Variants in PRR15L observed in about 807,000 individuals in gnomAD.
The protein encoded by PRR15L is proline rich 15 like.
PRR15L carries 1 observed loss-of-function variant against 3.7 expected under a neutral mutation model. The observed-to-expected ratio is 0.27, with a 90% CI of 0.09 to 1.27. PRR15L has a LOEUF of 1.27. Ranked by LOEUF, PRR15L falls within the 50% of genes most tolerant of loss-of-function variation. PRR15L has a pLI of 0.47. For synonymous variants in PRR15L, 57 were observed against 51.9 expected (o/e 1.10, Z -0.42); for missense variants, 127 against 128.7 (o/e 0.99, Z 0.06).
chr17:47,954,739 A>G (rs1404843422), intron 1 of PRR15L, among the ~76,000 whole-genome samples: 1 of 152,156 alleles, frequency 6.6e-6, no homozygotes. Context: ...GTAGAGGAAC[A>G]CTGATGACTG....
At chr17:47,953,520 G>A (rs34416972) in intron 1 of PRR15L, among the ~76,000 whole-genome samples, 2,899 of 152,078 alleles carry the variant, frequency 0.019, 95 homozygotes, top group African/African-American at 0.065. Context: ...TTAGCTGGGC[G>A]TAGTGGCACG....
intron 1 of PRR15L, among the ~76,000 whole-genome samples, chr17:47,955,820 G>A (rs930979100): frequency 1.3e-5 from 2 of 152,196 alleles, no homozygotes; most frequent in African/African-American, 4.8e-5. Flanking sequence ...TGCCTTGTCT[G>A]GAATGAGGCC....
intron 1 of PRR15L, 74 bp from the exon 2 acceptor site, chr17:47,953,337 C>G (rs2036093326): frequency 1.1e-6 from 1 of 874,838 alleles, no homozygotes; most frequent in Non-Finnish European, 1.8e-6. Flanking sequence ...CAGCTTGCTG[C>G]AGACTCCTAA....
Position 47,957,763 on chromosome 17 carries a change from G to A in PRR15L, c.-136C>T, listed in dbSNP as rs950636707. The A allele has an allele frequency of 2.0e-5, 3 of 152,424 alleles. No homozygotes were observed. The highest frequency in any genetic ancestry group is 3.8e-4 in the East Asian group (2 of 5,200). 9.4% of individuals were successfully genotyped at this position (152,424 alleles called of 1,614,324 possible). A position where few individuals can be genotyped will look rare whatever the true frequency, so the allele number is the denominator to read the frequency against. ...GACTCGGGAAGCAAGTGGTGCCTCC[G>A]GGCTGCTGTATCAGGCAAGGCTCAG... On this transcript the variant is annotated 5_prime_UTR_variant, in exon 1 of 2. Transcript: ENST00000300557.
At chr17:47,954,633 G>A (rs749203203) in intron 1 of PRR15L, among the ~76,000 whole-genome samples, 4 of 152,282 alleles carry the variant, frequency 2.6e-5, no homozygotes, top group South Asian at 2.1e-4. Context: ...GGAACTTCTC[G>A]GAGAGGAGGT....
At chr17:47,954,963 C>CT (rs747818965) in intron 1 of PRR15L, among the ~76,000 whole-genome samples, 5 of 49,974 alleles carry the variant, frequency 1.0e-4, no homozygotes, top group Admixed American at 9.3e-4. Flanking sequence ...CAGAGTCTTG[C>CT]TTATTGCCCA....
chr17:47,953,318 C>A (rs868235129), intron 1 of PRR15L, 55 bp from the exon 2 acceptor site: 31 of 1,097,432 alleles, frequency 2.8e-5, no homozygotes, highest in Middle Eastern at 2.1e-4. Context: ...GGGGTGGGTG[C>A]CTTTGGACCA....
intron 1 of PRR15L, 28 bp from the exon 2 acceptor site, chr17:47,953,291 G>A (rs779140521): frequency 9.9e-6 from 14 of 1,414,706 alleles, no homozygotes; most frequent in Non-Finnish European, 1.1e-5. Flanking sequence ...GGGAGACAAA[G>A]GGGTCAGTGG....
rs1291117115 is a variant in PRR15L at position 47,952,587 on chromosome 17, G to A, written c.*336C>T. ...TGTGTCCAGTAAGGAGGTGAAGTCT[G>A]TCTGGCTCACTCTCTCCATTCCCTG... On this transcript the variant is annotated 3_prime_UTR_variant, in exon 2 of 2. Transcript: ENST00000300557. The A allele has an allele frequency of 7.7e-5, 18 of 233,786 alleles. No individual in the cohort carries two copies. In the Admixed American group the frequency reaches 9.8e-4, roughly 13 times the overall value. 14.5% of individuals were successfully genotyped at this position (233,786 alleles called of 1,614,324 possible).
At chr17:47,953,312 T>G in intron 1 of PRR15L, 49 bp from the exon 2 acceptor site, 7 of 1,132,178 alleles carry the variant, frequency 6.2e-6, no homozygotes, top group Non-Finnish European at 7.5e-6. Context: ...GAAAAGGGGG[T>G]GGGTGCCTTT....
chr17:47,956,280 T>TG (rs765865943), intron 1 of PRR15L, among the ~76,000 whole-genome samples: 1 of 152,210 alleles, frequency 6.6e-6, no homozygotes, highest in Non-Finnish European at 1.5e-5. Flanking sequence ...CTGACCAACA[T>TG]GGGGGAACCC....
At position 47,952,161 on chromosome 17, in the gene PRR15L, T is replaced by C. The variant is rs1469698365; in HGVS notation, c.*762A>G. The C allele has an allele frequency of 6.6e-6, 1 of 152,168 alleles. No individual in the cohort carries two copies. Among genetic ancestry groups the C allele is most frequent in the South Asian group, 2.1e-4 (1 of 4,826 alleles). The allele number at this position is 152,168 out of a possible 1,614,324, so 9.4% of individuals were successfully genotyped here. A position where few individuals can be genotyped will look rare whatever the true frequency, so the allele number is the denominator to read the frequency against. Reference sequence around the variant, plus strand: ...GACTCATCTCTGGAGCTGATATGTCTTAAATACTATTATAGTAGGAAAGGG... The same window carrying C: ...GACTCATCTCTGGAGCTGATATGTCCTAAATACTATTATAGTAGGAAAGGG... On this transcript the variant is annotated 3_prime_UTR_variant, in exon 2 of 2. Coordinates refer to ENST00000300557, the MANE Select transcript of PRR15L (RefSeq NM_024320.4).
rs754416967 is a variant in PRR15L, at chr17:47,953,061, A to G, written c.174T>C (p.Ile58=). ...GCTTGCCCTTTGTGCTCTTGTCCAC[A>G]ATCTTCTCCAGGCGGGTGTTAAAGT... is the stretch of plus-strand genomic sequence containing the variant. ...NSDFNTRLEK[I]VDKSTKGKHV... Residue 58 remains isoleucine (I), a synonymous_variant, in exon 2 of 2, where the codon ATT becomes ATC. Transcript: ENST00000300557. The G allele has an allele frequency of 3.1e-6, 5 of 1,613,984 alleles. No individual in the cohort carries two copies. Among genetic ancestry groups the G allele is most frequent in the Non-Finnish European group, 4.2e-6 (5 of 1,179,986 alleles).
intron 1 of PRR15L, among the ~76,000 whole-genome samples, chr17:47,955,085 A>C (rs1042021540): frequency 6.6e-6 from 1 of 151,784 alleles, no homozygotes; most frequent in Non-Finnish European, 1.5e-5. Flanking sequence ...ATGCGCCACC[A>C]CGCCCGGCTA....
At chr17:47,956,049 G>A (rs763473425) in intron 1 of PRR15L, among the ~76,000 whole-genome samples, 2 of 152,244 alleles carry the variant, frequency 1.3e-5, no homozygotes, top group African/African-American at 2.4e-5. Context: ...CACAGATCAC[G>A]AGGAACTTCT....
In PRR15L at chr17:47,957,774, T is replaced by A. The variant is rs909843726; in HGVS notation, c.-147A>T. On this transcript the variant is annotated 5_prime_UTR_variant, in exon 1 of 2. Coordinates refer to ENST00000300557, the MANE Select transcript of PRR15L (RefSeq NM_024320.4). ...CAAGTGGTGCCTCCGGGCTGCTGTA[T>A]CAGGCAAGGCTCAGCCAGGAGAGGT... 2.6e-5 allele frequency: 4 copies of A among 152,344 alleles called. No homozygotes were observed. In the East Asian group the frequency reaches 7.7e-4, roughly 29 times the overall value. 9.4% of individuals were successfully genotyped at this position (152,344 alleles called of 1,614,324 possible).
intron 1 of PRR15L, among the ~76,000 whole-genome samples, chr17:47,955,337 T>C (rs2036116685): frequency 6.6e-6 from 1 of 151,848 alleles, no homozygotes; most frequent in Non-Finnish European, 1.5e-5. Flanking sequence ...TGGGGGAGCA[T>C]ATCAAATTTA....
intron 1 of PRR15L, among the ~76,000 whole-genome samples, chr17:47,955,799 G>T (rs995056012): frequency 6.6e-6 from 1 of 152,150 alleles, no homozygotes; most frequent in Non-Finnish European, 1.5e-5. Flanking sequence ...GTCTGTGGGT[G>T]CCCGAGTCAC....
chr17:47,953,315 G>A, intron 1 of PRR15L, 52 bp from the exon 2 acceptor site: 1 of 1,168,950 alleles, frequency 8.6e-7, no homozygotes, highest in South Asian at 1.5e-5. Context: ...AAGGGGGTGG[G>A]TGCCTTTGGA....
Sources: gnomAD v4.1 joint callset for allele counts (sites outside exome capture counted in the v4.1 genomes callset) on GRCh38, gnomAD v4.1.1 for gene constraint, MANE v1.5 for transcripts, NCBI Gene and HGNC (gene_info 2026-07-23, HGNC 2026-07-21) for gene names.